The following SGCZ variants were observed in gnomAD, a reference collection of about 807,000 sequenced individuals.
SGCZ encodes the protein zeta-sarcoglycan.
A neutral mutation model predicts 41.3 loss-of-function variants in SGCZ; 40 were observed. The ratio of observed to expected loss-of-function variants is 0.97; its 90% CI spans 0.75 to 1.26. The LOEUF (loss-of-function observed/expected upper bound fraction) is 1.26, where lower values mean the gene tolerates loss of function less well. Ranked by LOEUF, SGCZ falls within the 50% of genes most tolerant of loss-of-function variation. The pLI, the probability that SGCZ is intolerant of heterozygous loss-of-function variation, is 0.00. For synonymous variants in SGCZ, 206 were observed against 137.5 expected, an observed-to-expected ratio of 1.50 and a Z score of -3.49; for missense variants, 552 against 369.8, an observed-to-expected ratio of 1.49 and a Z score of -4.04.
intron 1 of SGCZ, among the ~76,000 whole-genome samples, chr8:15,141,976 G>T (rs1585606734): frequency 6.6e-6 from 1 of 152,126 alleles, no homozygotes; most frequent in Admixed American, 6.5e-5. Flanking sequence ...TGTAGCAGTG[G>T]AAGACCCTGG....
chr8:14,395,876 C>T (rs1313241771), intron 2 of SGCZ, among the ~76,000 whole-genome samples: 1 of 152,138 alleles, frequency 6.6e-6, no homozygotes, highest in Non-Finnish European at 1.5e-5. Flanking sequence ...AAAGTTACTG[C>T]AAAAAGTATC....
chr8:14,098,103 A>C (rs906415091), intron 7 of SGCZ, among the ~76,000 whole-genome samples: 21 of 152,292 alleles, frequency 1.4e-4, no homozygotes, highest in African/African-American at 5.1e-4. Flanking sequence ...TACACCTTCT[A>C]CATAACACAA....
chr8:14,920,973 G>A (rs777403989), intron 1 of SGCZ, among the ~76,000 whole-genome samples: 2 of 152,126 alleles, frequency 1.3e-5, no homozygotes, highest in Non-Finnish European at 2.9e-5. Flanking sequence ...GACCTTGACT[G>A]CAGGAAGCTA....
chr8:14,294,259 C>G (rs768275213), intron 3 of SGCZ, among the ~76,000 whole-genome samples: 2 of 151,588 alleles, frequency 1.3e-5, no homozygotes, highest in Non-Finnish European at 2.9e-5. Flanking sequence ...TATTTGTGAG[C>G]TTCATTTGGG....
intron 1 of SGCZ, among the ~76,000 whole-genome samples, chr8:14,742,826 TAC>T: frequency 6.6e-6 from 1 of 152,236 alleles, no homozygotes; most frequent in Non-Finnish European, 1.5e-5. Flanking sequence ...CCTGTATATT[TAC>T]ACTTTACCTT....
At chr8:14,590,498 T>A (rs1367343691) in intron 1 of SGCZ, among the ~76,000 whole-genome samples, 1 of 151,416 alleles carries the variant, frequency 6.6e-6, no homozygotes, top group East Asian at 1.9e-4. Flanking sequence ...AGATACGTGA[T>A]ATTAATTCTT....
At chr8:15,147,403 C>T (rs574523659) in intron 1 of SGCZ, among the ~76,000 whole-genome samples, 1 of 152,086 alleles carries the variant, frequency 6.6e-6, no homozygotes, top group African/African-American at 2.4e-5. Context: ...CTCAGCCTCC[C>T]GAGTAACTGG....
intron 2 of SGCZ, 21 bp downstream of exon 2, chr8:14,554,711 T>TA (rs762022511): frequency 1.3e-6 from 2 of 1,592,542 alleles, no homozygotes; most frequent in African/African-American, 2.7e-5. Context: ...CAATAAGATG[T>TA]AAAATCATAG....
chr8:14,439,571 G>T (rs558138288), intron 2 of SGCZ, among the ~76,000 whole-genome samples: 1 of 151,672 alleles, frequency 6.6e-6, no homozygotes, highest in East Asian at 1.9e-4. Flanking sequence ...ATATATAAAA[G>T]ACATTCACCA....
intron 3 of SGCZ, among the ~76,000 whole-genome samples, chr8:14,271,429 T>C (rs756869189): frequency 4.6e-5 from 7 of 152,294 alleles, no homozygotes; most frequent in Admixed American, 1.3e-4. Context: ...TTGTAGATAG[T>C]TTCATACCCA....
intron 5 of SGCZ, among the ~76,000 whole-genome samples, chr8:14,111,635 C>A (rs1802374620): frequency 6.6e-6 from 1 of 152,128 alleles, no homozygotes; most frequent in Non-Finnish European, 1.5e-5. Context: ...AATTTAAACT[C>A]ACTACAATGT....
chr8:14,642,336 T>C (rs148123133), intron 1 of SGCZ, among the ~76,000 whole-genome samples: 95 of 151,742 alleles, frequency 6.3e-4, no homozygotes, highest in African/African-American at 2.2e-3. Flanking sequence ...AACTATACCA[T>C]CTCCTTGTTA....
intron 2 of SGCZ, among the ~76,000 whole-genome samples, chr8:14,459,167 A>G (rs1363090036): frequency 1.3e-5 from 2 of 152,160 alleles, no homozygotes; most frequent in African/African-American, 4.8e-5. Flanking sequence ...TATCGAGAGG[A>G]CAAAAAACCA....
intron 1 of SGCZ, among the ~76,000 whole-genome samples, chr8:14,727,721 C>G (rs1810104140): frequency 6.6e-6 from 1 of 151,988 alleles, no homozygotes; most frequent in Non-Finnish European, 1.5e-5. Context: ...ACCGTGTCAG[C>G]CAGGATGGTC....
chr8:15,221,126 A>G (rs911878795), intron 1 of SGCZ, among the ~76,000 whole-genome samples: 33 of 152,192 alleles, frequency 2.2e-4, no homozygotes, highest in Non-Finnish European at 2.2e-4. Flanking sequence ...ACAAAACTGC[A>G]TGTTGTTCAC....
At chr8:15,054,838 T>A (rs111819276) in intron 1 of SGCZ, among the ~76,000 whole-genome samples, 4,063 of 151,658 alleles carry the variant, frequency 0.027, 164 homozygotes, top group African/African-American at 0.092. Context: ...GGCGGGCACC[T>A]GTAGCCCCAG....
intron 5 of SGCZ, among the ~76,000 whole-genome samples, chr8:14,110,603 G>A (rs1342520423): frequency 3.6e-4 from 55 of 152,118 alleles, no homozygotes; most frequent in Non-Finnish European, 4.4e-5. Context: ...TTAACAAAAT[G>A]CAGGCCTCTA....
intron 1 of SGCZ, among the ~76,000 whole-genome samples, chr8:14,667,898 C>T (rs1233431023): frequency 3.3e-5 from 5 of 152,104 alleles, no homozygotes; most frequent in Non-Finnish European, 5.9e-5. Flanking sequence ...CTCTTAGATA[C>T]CTAGAGTTTA....
At chr8:14,147,629 C>T (rs1040318806) in intron 5 of SGCZ, among the ~76,000 whole-genome samples, 3 of 151,896 alleles carry the variant, frequency 2.0e-5, no homozygotes, top group Admixed American at 6.6e-5. Context: ...ACTTTAACAC[C>T]CCACTTTCAG....
Sources: allele counts gnomAD v4.1 joint callset (sites outside exome capture counted in the v4.1 genomes callset), GRCh38; gene constraint gnomAD v4.1.1; transcripts MANE v1.5; gene names NCBI Gene and HGNC (gene_info 2026-07-23, HGNC 2026-07-21).